EIF4G1: variants seen among roughly 807,000 people sequenced by gnomAD.
EIF4G1 encodes EIF4-gamma.
A neutral mutation model predicts 187.8 loss-of-function variants in EIF4G1; 4 were observed. That is an observed-to-expected ratio of 0.02 (90% CI 0.01 to 0.05). EIF4G1 has a LOEUF of 0.05. EIF4G1 is among the 10% of genes least tolerant of loss of function. EIF4G1 has a pLI of 1.00. For missense variants in EIF4G1, 1,647 were observed against 2,081.1 expected, an observed-to-expected ratio of 0.79 and a Z score of 4.06; for synonymous variants, 844 against 781.4, an observed-to-expected ratio of 1.08 and a Z score of -1.34.
intron 5 of EIF4G1, 54 bp downstream of exon 5, chr3:184,317,551 A>T: frequency 4.4e-6 from 7 of 1,605,248 alleles, no homozygotes; most frequent in Non-Finnish European, 6.0e-6. Context: ...CCTCTCACTT[A>T]ACTCACCCTG....
Position 184,323,619 on chromosome 3 carries a change from T to C in EIF4G1, c.2274+26T>C. 1 of 1,613,564 alleles carries C rather than the reference T, an allele frequency of 6.2e-7. No homozygotes were observed. The highest frequency in any genetic ancestry group is 1.1e-5 in the South Asian group (1 of 91,070). ...GTACTGGCAAGTCCTGCTTTTGGTCTCTCTCCATTTCTTCTCCAGGTCTGC... is the reference window on the plus strand; with the variant it reads ...GTACTGGCAAGTCCTGCTTTTGGTCCCTCTCCATTTCTTCTCCAGGTCTGC... On this transcript the variant is annotated intron_variant, in intron 15 of 32. Transcript: ENST00000346169. This position sits in a 1 kb window ranked among gnomAD's most constrained non-coding sequence, Gnocchi z 6.9.
Position 184,316,158 on chromosome 3 carries a change from G to T in EIF4G1, c.87G>T (p.Ala29=), listed in dbSNP as rs772897794. The T allele has an allele frequency of 6.2e-7, 1 of 1,614,116 alleles. No homozygotes were observed. Among genetic ancestry groups the T allele is most frequent in the Non-Finnish European group, 8.5e-7 (1 of 1,180,006 alleles). Residue 29 remains alanine (A), a synonymous_variant, in exon 4 of 33, where the codon GCG becomes GCT. Transcript: ENST00000346169. ...PQPAFPPGQT[A]PVVFSTPQAT... is the part of the protein sequence containing the mutation. ...CAGCGTTTCCCCCGGGGCAGACAGC[G>T]CCGGTGGTGTTCAGTACGCCACAAG...
intron 1 of EIF4G1, among the ~76,000 whole-genome samples, chr3:184,314,935 C>T (rs955037461): frequency 6.6e-6 from 1 of 151,292 alleles, no homozygotes; most frequent in African/African-American, 2.4e-5. Flanking sequence ...CCGGGTTCGT[C>T]GCCGCGAAAT....
rs1306362326 is a variant in EIF4G1 at position 184,334,666 on chromosome 3, C to CTGGGG, written c.4619-56_4619-52dup. The CTGGGG allele has an allele frequency of 1.9e-6, 3 of 1,608,432 alleles. No homozygotes were observed. In the East Asian group the frequency reaches 6.7e-5, roughly 36 times the overall value. On this transcript the variant is annotated intron_variant, in intron 32 of 32. Transcript: ENST00000346169. This position sits in a 1 kb window ranked among gnomAD's most constrained non-coding sequence, Gnocchi z 5.8. ...GAACAGTGGAACTTGGGAGGGTTCCCTGGGGTGGGCTGGGGTGGCGGTGGC... is the reference window on the plus strand; with the variant it reads ...GAACAGTGGAACTTGGGAGGGTTCCCTGGGGTGGGGTGGGCTGGGGTGGCGGTGGC...
In EIF4G1 at chr3:184,323,996, C is replaced by A; in HGVS notation, c.2472+19C>A. On this transcript the variant is annotated intron_variant, in intron 16 of 32. Transcript: ENST00000346169. The surrounding 1 kb of genome is among the most constrained non-coding windows in gnomAD (Gnocchi z 6.9). Reference sequence around the variant, plus strand: ...CATGGCGGTTAGTTTCCAGTGGGTTCTAAATCTAATGGTCTGGTTGCCCAT... The same window carrying A: ...CATGGCGGTTAGTTTCCAGTGGGTTATAAATCTAATGGTCTGGTTGCCCAT... 6.2e-7 allele frequency: 1 copy of A among 1,613,308 alleles called. No homozygotes were observed. The highest frequency in any genetic ancestry group is 8.5e-7 in the Non-Finnish European group (1 of 1,180,018).
chr3:184,315,669 T>A, intron 2 of EIF4G1, 94 bp from the exon 3 acceptor site: 1 of 928,650 alleles, frequency 1.1e-6, no homozygotes, highest in Non-Finnish European at 1.7e-6. Context: ...TGGGACTCCG[T>A]ATGGGACCCA....
At position 184,324,921 on chromosome 3, in the gene EIF4G1, G is replaced by C. The variant is rs1263129713; in HGVS notation, c.2663G>C (p.Arg888Pro). 6.2e-7 allele frequency: 1 copy of C among 1,614,190 alleles called. No homozygotes were observed. The highest frequency in any genetic ancestry group is 8.5e-7 in the Non-Finnish European group (1 of 1,180,042). ...GRLKEELEEARDIARRRSLGN... is the reference protein window; with the variant it reads ...GRLKEELEEAPDIARRRSLGN... ...CTGAAGGAAGAGCTGGAAGAGGCTC[G>C]GGACATAGCCCGGCGGCGCTCTTTA... Residue 888 changes from arginine to proline, a missense_variant, in exon 18 of 33, where the codon CGG becomes CCG. Physicochemically the swap from Arg to Pro is moderately radical, Grantham distance 103 (BLOSUM62 -2). Transcript: ENST00000346169.
intron 3 of EIF4G1, 74 bp downstream of exon 3, chr3:184,315,930 C>G (rs1330314959): frequency 1.3e-6 from 2 of 1,514,332 alleles, no homozygotes; most frequent in East Asian, 4.9e-5. Flanking sequence ...TCTTCCTACC[C>G]CCATCTGTGT....
rs1027474471 is a variant in EIF4G1, at chr3:184,319,690, T to C, written c.426T>C (p.Ala142=). Residue 142 remains alanine, a splice_region_variant and synonymous_variant, in exon 7 of 33, where the codon GCT becomes GCC. Coordinates refer to ENST00000346169, the MANE Select transcript of EIF4G1 (RefSeq NM_198241.3). Reference sequence around the variant, plus strand: ...CTTCTCCGTCCCCCCTCCCCCAAGCTGGCGCCTACTATCCAGCCCAAGGGG... The same window carrying C: ...CTTCTCCGTCCCCCCTCCCCCAAGCCGGCGCCTACTATCCAGCCCAAGGGG... ...GASPTEFGTY[A]GAYYPAQGVQ... The C allele has an allele frequency of 1.3e-6, 2 of 1,585,628 alleles. No individual in the cohort carries two copies. Among genetic ancestry groups the C allele is most frequent in the Non-Finnish European group, 1.7e-6 (2 of 1,164,832 alleles).
At chr3:184,317,907 G>C (rs1723065068) in intron 6 of EIF4G1, 91 bp downstream of exon 6, 2 of 984,540 alleles carry the variant, frequency 2.0e-6, no homozygotes, top group Non-Finnish European at 3.2e-6. Context: ...CCCTTCCCAG[G>C]CTTGGCTTCT....
Position 184,321,997 on chromosome 3 carries a change from AGGAGAAGCT to A in EIF4G1, c.1415_1423del (p.Gly472_Ala474del), listed in dbSNP as rs770580582. 3.1e-6 allele frequency: 5 copies of A among 1,590,604 alleles called. No homozygotes were observed. The South Asian group carries it at 4.4e-5, about 14-fold the overall frequency. Reference sequence around the variant, plus strand: ...AGGAAGAAGGAGAAGCAGGAGAAGCAGGAGAAGCTGAGAGTGAGAAAGGAGGAGAGGAAC... The same window carrying A: ...AGGAAGAAGGAGAAGCAGGAGAAGCAGAGAGTGAGAAAGGAGGAGAGGAAC... On this transcript the variant is annotated inframe_deletion, in exon 10 of 33. Coordinates refer to ENST00000346169, the MANE Select transcript of EIF4G1 (RefSeq NM_198241.3).
rs148171226 is a variant in EIF4G1 at position 184,318,988 on chromosome 3, C to T, written c.425-701C>T. Among the ~76,000 whole-genome samples, 390 of 151,606 alleles carry T rather than the reference C, an allele frequency of 2.6e-3. 1 individual carries two copies. Among genetic ancestry groups the T allele is most frequent in the African/African-American group, 7.4e-3 (308 of 41,346 alleles). ...ATTCGGGAGGCTGAGGCAGGAGGATCGCTTGAACCCGGGATGTGGAGATTG... is the reference window on the plus strand; with the variant it reads ...ATTCGGGAGGCTGAGGCAGGAGGATTGCTTGAACCCGGGATGTGGAGATTG... On this transcript the variant is annotated intron_variant, in intron 6 of 32. Transcript: ENST00000346169.
intron 24 of EIF4G1, 49 bp from the exon 25 acceptor site, chr3:184,327,537 T>C: frequency 8.7e-6 from 14 of 1,613,190 alleles, no homozygotes; most frequent in Non-Finnish European, 1.2e-5. Flanking sequence ...CAAATCTTGT[T>C]TGCTGGGAAG....
rs943789683 is a variant in EIF4G1 at position 184,335,053 on chromosome 3, G to A, written c.*145G>A. The A allele has an allele frequency of 5.0e-6, 6 of 1,206,652 alleles. No homozygotes were observed. Among genetic ancestry groups the A allele is most frequent in the Non-Finnish European group, 7.0e-6 (6 of 858,290 alleles). 74.7% of individuals were successfully genotyped at this position (1,206,652 alleles called of 1,614,324 possible). On this transcript the variant is annotated 3_prime_UTR_variant, in exon 33 of 33. Transcript: ENST00000346169. The stretch of plus-strand genomic sequence containing the variant: ...CTGAACTAATAAAGTGGCTGAAGAG[G>A]CAGGATGGCTTGGGGCTGCCTGGGC...
chr3:184,318,745 C>A (rs971016913), intron 6 of EIF4G1, among the ~76,000 whole-genome samples: 1 of 151,548 alleles, frequency 6.6e-6, no homozygotes, highest in Non-Finnish European at 1.5e-5. Context: ...GCTGGGATTA[C>A]AGGCGTGTGC....
chr3:184,324,162 A>G, intron 16 of EIF4G1, 39 bp from the exon 17 acceptor site: 1 of 1,614,174 alleles, frequency 6.2e-7, no homozygotes, highest in Non-Finnish European at 8.5e-7. Flanking sequence ...TTCCCTGCCC[A>G]GGACTAGTCT....
chr3:184,320,222 G>C, intron 7 of EIF4G1: 1 of 1,197,762 alleles, frequency 8.3e-7, no homozygotes, highest in South Asian at 1.7e-5. Flanking sequence ...CCAGAGCTGG[G>C]GAAGCCGCTG....
At position 184,335,148 on chromosome 3, in the gene EIF4G1, C is replaced by A. The variant is rs182207566; in HGVS notation, c.*240C>A. ...CACAGAGATATATTATATATAAAGT[C>A]TTGAAATTTGGTGTGTCTTGGGGTG... On this transcript the variant is annotated 3_prime_UTR_variant, in exon 33 of 33. Coordinates refer to ENST00000346169, the MANE Select transcript of EIF4G1 (RefSeq NM_198241.3). 1 of 540,808 alleles carries A rather than the reference C, an allele frequency of 1.8e-6. No individual in the cohort carries two copies. Among genetic ancestry groups the A allele is most frequent in the Non-Finnish European group, 3.3e-6 (1 of 303,098 alleles). The allele number at this position is 540,808 out of a possible 1,614,324, so 33.5% of individuals were successfully genotyped here. A position where few individuals can be genotyped will look rare whatever the true frequency, so the allele number is the denominator to read the frequency against.
intron 4 of EIF4G1, chr3:184,316,846 G>A (rs554325543): frequency 1.7e-6 from 2 of 1,186,250 alleles, no homozygotes; most frequent in East Asian, 2.3e-5. Context: ...CTTGTTTGGT[G>A]TCCAGGTTCT....
Sources: allele counts gnomAD v4.1 joint callset (sites outside exome capture counted in the v4.1 genomes callset), GRCh38; gene constraint gnomAD v4.1.1; non-coding constraint Gnocchi (gnomAD v3.1); transcripts MANE v1.5; gene names NCBI Gene and HGNC (gene_info 2026-07-23, HGNC 2026-07-21).